Variants in UST observed in about 807,000 individuals in gnomAD.
UST encodes chondroitin sulfate 2-O-sulfotransferase.
A neutral mutation model predicts 45.6 loss-of-function variants in UST; 21 were observed. That is an observed-to-expected ratio of 0.46 (90% CI 0.33 to 0.66). UST has a LOEUF of 0.66. Ranked by LOEUF, UST falls within the 30% of genes least tolerant of loss-of-function variation. The pLI, the probability that UST is intolerant of heterozygous loss-of-function variation, is 0.02. For missense variants in UST, 463 were observed against 512.4 expected (o/e 0.90, Z 0.93); for synonymous variants, 215 against 200.6 (o/e 1.07, Z -0.61).
At position 148,867,127 on chromosome 6, in the gene UST, A is replaced by T. The variant is rs145083901; in HGVS notation, c.248-19859A>T. ...CCCAGGTCCTACCACTGCACTGGGC[A>T]TAAACCAACACATTTGCCTGCTAGT... is the stretch of plus-strand genomic sequence containing the variant. On this transcript the variant is annotated intron_variant, in intron 1 of 7. Coordinates refer to ENST00000367463, the MANE Select transcript of UST (RefSeq NM_005715.3). Among the ~76,000 whole-genome samples the T allele has an allele frequency of 2.0e-5, 3 of 152,298 alleles. No homozygotes were observed. In the East Asian group the frequency reaches 5.8e-4, roughly 29 times the overall value.
At chr6:148,783,996 G>A (rs1421258422) in intron 1 of UST, among the ~76,000 whole-genome samples, 2 of 152,108 alleles carry the variant, frequency 1.3e-5, no homozygotes, top group African/African-American at 4.8e-5. Flanking sequence ...TGCTTTCTCT[G>A]CCTATGAGTT....
chr6:148,900,002 T>TGACCATTATGACCATTATGACTAGGTA (rs1779216806), intron 2 of UST, among the ~76,000 whole-genome samples: 1 of 152,016 alleles, frequency 6.6e-6, no homozygotes, highest in South Asian at 2.1e-4. Context: ...TAGACAGGAG[T>TGACCATTATGACCATTATGACTAGGTA]GACAGCTGAG....
At chr6:148,770,225 G>A (rs1449069758) in intron 1 of UST, among the ~76,000 whole-genome samples, 1 of 151,648 alleles carries the variant, frequency 6.6e-6, no homozygotes, top group Admixed American at 6.6e-5. Flanking sequence ...CATAACATGG[G>A]GAGCACAGAG....
intron 2 of UST, among the ~76,000 whole-genome samples, chr6:148,890,214 G>A (rs529537163): frequency 9.5e-4 from 145 of 152,264 alleles, no homozygotes; most frequent in African/African-American, 3.3e-3. Flanking sequence ...CTTCTCATCC[G>A]TTCTTATTGC....
intron 1 of UST, among the ~76,000 whole-genome samples, chr6:148,760,652 A>T (rs1177255462): frequency 6.7e-6 from 1 of 148,236 alleles, no homozygotes; most frequent in Non-Finnish European, 1.5e-5. Flanking sequence ...AACCACAAAG[A>T]AAAAAAAAAC....
chr6:148,916,454 G>A (rs1217162789), intron 2 of UST, among the ~76,000 whole-genome samples: 3 of 152,160 alleles, frequency 2.0e-5, no homozygotes, highest in Non-Finnish European at 4.4e-5. Flanking sequence ...AGAGTGAAAC[G>A]GGGAGAAGAG....
chr6:149,041,565 G>T (rs1192879294), intron 7 of UST, among the ~76,000 whole-genome samples: 1 of 152,210 alleles, frequency 6.6e-6, no homozygotes, highest in Non-Finnish European at 1.5e-5. Flanking sequence ...CTTCAGTTTA[G>T]TCATGGAGAT....
At position 148,813,814 on chromosome 6, in the gene UST, T is replaced by C. The variant is rs1477516142; in HGVS notation, c.247+66137T>C. ...AAAGCAAACCTGCTGTAGACCAGGA[T>C]ACTGAAAGGGCCATTCTATATCAGG... On this transcript the variant is annotated intron_variant, in intron 1 of 7. Coordinates refer to ENST00000367463, the MANE Select transcript of UST (RefSeq NM_005715.3). 3.3e-5 allele frequency among the ~76,000 whole-genome samples: 5 copies of C among 152,236 alleles called. No homozygotes were observed. The East Asian group carries it at 9.6e-4, about 29-fold the overall frequency.
intron 2 of UST, among the ~76,000 whole-genome samples, chr6:148,917,135 G>A: frequency 6.6e-6 from 1 of 152,220 alleles, no homozygotes; most frequent in Non-Finnish European, 1.5e-5. Flanking sequence ...TCCAAATTGA[G>A]ACAGTGGCCT....
At chr6:148,759,847 CAAAAAAAAAA>C (rs71554421) in intron 1 of UST, among the ~76,000 whole-genome samples, 3 of 59,206 alleles carry the variant, frequency 5.1e-5, no homozygotes, top group East Asian at 4.7e-4. Flanking sequence ...GACTCTGTCT[CAAAAAAAAAA>C]AAAAAAAAAA....
At chr6:148,869,983 A>G (rs897773607) in intron 1 of UST, among the ~76,000 whole-genome samples, 2 of 152,108 alleles carry the variant, frequency 1.3e-5, no homozygotes, top group African/African-American at 2.4e-5. Context: ...CATGCACGTG[A>G]CCCATAACCC....
chr6:148,960,369 G>GAT (rs1219951208), intron 4 of UST, among the ~76,000 whole-genome samples: 1 of 152,206 alleles, frequency 6.6e-6, no homozygotes, highest in Non-Finnish European at 1.5e-5. Flanking sequence ...TCTTTTCCAT[G>GAT]ATGGCCTTTC....
At chr6:148,793,147 G>C (rs1322849968) in intron 1 of UST, among the ~76,000 whole-genome samples, 1 of 152,108 alleles carries the variant, frequency 6.6e-6, no homozygotes, top group Non-Finnish European at 1.5e-5. Context: ...GATGGGGAAT[G>C]ATCCCTGTAT....
intron 1 of UST, among the ~76,000 whole-genome samples, chr6:148,798,061 G>GGAAT (rs759306228): frequency 6.6e-6 from 1 of 152,188 alleles, no homozygotes; most frequent in Non-Finnish European, 1.5e-5. Context: ...CAGTGTTGGG[G>GGAAT]GAATGGTGTG....
chr6:148,759,741 G>C (rs983285771), intron 1 of UST, among the ~76,000 whole-genome samples: 1 of 150,712 alleles, frequency 6.6e-6, no homozygotes, highest in Admixed American at 6.6e-5. Context: ...CCAGCTACTC[G>C]GGAGGCTGAG....
rs554736714 is a variant in UST at position 148,997,540 on chromosome 6, G to T, written c.682-21599G>T. ...AAAAAATTGAGCTTCCTTACAGAAT[G>T]TTCTCTAATATTTTTATTATATGCA... On this transcript the variant is annotated intron_variant, in intron 5 of 7. Transcript: ENST00000367463. Among the ~76,000 whole-genome samples the T allele has an allele frequency of 4.0e-3, 612 of 152,230 alleles. 4 individuals carry two copies. Among genetic ancestry groups the T allele is most frequent in the African/African-American group, 0.011 (452 of 41,534 alleles).
chr6:149,067,680 T>G (rs868178205), intron 7 of UST, among the ~76,000 whole-genome samples: 1 of 152,170 alleles, frequency 6.6e-6, no homozygotes, highest in South Asian at 2.1e-4. Flanking sequence ...AATATCAATC[T>G]TATTAAAGAC....
intron 7 of UST, chr6:149,027,624 C>T (rs1024498686): frequency 6.6e-6 from 1 of 152,160 alleles, no homozygotes; most frequent in Non-Finnish European, 1.5e-5. Flanking sequence ...TCTTCGTGTC[C>T]TCTAGGACAG....
At chr6:149,007,750 T>A (rs765260762) in intron 5 of UST, among the ~76,000 whole-genome samples, 12 of 147,338 alleles carry the variant, frequency 8.1e-5, no homozygotes, top group Non-Finnish European at 1.8e-4. Context: ...AGACAGGGGG[T>A]TTTTTTTTGG....
Sources: gnomAD v4.1 joint callset for allele counts (sites outside exome capture counted in the v4.1 genomes callset) on GRCh38, gnomAD v4.1.1 for gene constraint, MANE v1.5 for transcripts, NCBI Gene and HGNC (gene_info 2026-07-23, HGNC 2026-07-21) for gene names.